SLA2: variants seen among roughly 807,000 people sequenced by gnomAD.
The protein encoded by SLA2 is Src like adaptor 2.
Under a neutral mutation model 27.3 loss-of-function variants are expected in SLA2, and 22 were observed. That is an observed-to-expected ratio of 0.81 (90% confidence interval 0.58 to 1.15). The LOEUF is 1.15. Ranked by LOEUF, SLA2 falls within the 50% of genes most tolerant of loss-of-function variation. The probability of loss-of-function intolerance (pLI) is 0.00; values close to 1 mark genes in which losing one functional copy is unlikely to be tolerated. For missense variants in SLA2, 304 were observed against 322.2 expected (o/e 0.94, Z 0.43); for synonymous variants, 131 against 137.8 (o/e 0.95, Z 0.34).
intron 5 of SLA2, among the ~76,000 whole-genome samples, chr20:36,618,938 T>C (rs1378099256): frequency 1.5e-5 from 2 of 133,772 alleles, no homozygotes; most frequent in Admixed American, 7.7e-5. Context: ...AAAAAAAGTA[T>C]CTAGAAGCCA....
At chr20:36,643,338 G>T (rs911859238) in intron 1 of SLA2, among the ~76,000 whole-genome samples, 7 of 152,314 alleles carry the variant, frequency 4.6e-5, no homozygotes, top group Admixed American at 2.6e-4. Context: ...TAGGGACAAG[G>T]CACAGTTACA....
intron 5 of SLA2, among the ~76,000 whole-genome samples, chr20:36,628,533 G>C (rs1420393754): frequency 1.3e-5 from 2 of 152,066 alleles, no homozygotes; most frequent in Non-Finnish European, 2.9e-5. Flanking sequence ...ACAGGCATCA[G>C]TGTTGATTTA....
chr20:36,612,336 C>T lies in SLA2; in HGVS notation c.*1530G>A. 1 of 971,874 alleles carries T rather than the reference C, an allele frequency of 1.0e-6. No individual in the cohort carries two copies. The highest frequency in any genetic ancestry group is 1.6e-6 in the Non-Finnish European group (1 of 618,186). 60.2% of individuals were successfully genotyped at this position (971,874 alleles called of 1,614,324 possible). ...GCTATTATTTGCCAAGTGGAGCTGTCATTTAATTTGATGCACCTCTGGATT... is the reference window on the plus strand; with the variant it reads ...GCTATTATTTGCCAAGTGGAGCTGTTATTTAATTTGATGCACCTCTGGATT... On this transcript the variant is annotated 3_prime_UTR_variant, in exon 8 of 8. Coordinates refer to ENST00000262866, the MANE Select transcript of SLA2 (RefSeq NM_032214.4).
chr20:36,619,832 C>A (rs1427221470), intron 5 of SLA2, among the ~76,000 whole-genome samples: 3 of 150,736 alleles, frequency 2.0e-5, no homozygotes, highest in Admixed American at 6.6e-5. Flanking sequence ...CGGGGTTTCA[C>A]CATGTTAGCC....
chr20:36,632,538 G>T, intron 5 of SLA2, 57 bp downstream of exon 5: 2 of 1,358,822 alleles, frequency 1.5e-6, no homozygotes, highest in Non-Finnish European at 2.1e-6. Flanking sequence ...ATATCTGTGG[G>T]CTCCTTTCTG....
intron 2 of SLA2, among the ~76,000 whole-genome samples, chr20:36,634,851 C>T (rs1048569856): frequency 6.6e-6 from 1 of 151,926 alleles, no homozygotes; most frequent in South Asian, 2.1e-4. Context: ...GCTCCATCAC[C>T]ACTGCACGTA....
At chr20:36,633,711 C>G in intron 3 of SLA2, 82 bp from the exon 4 acceptor site, 9 of 1,204,762 alleles carry the variant, frequency 7.5e-6, no homozygotes, top group Non-Finnish European at 1.1e-5. Context: ...TGCAAGGACC[C>G]TCTCAGGCTG....
intron 1 of SLA2, among the ~76,000 whole-genome samples, chr20:36,641,864 G>A (rs2039509870): frequency 6.6e-6 from 1 of 151,758 alleles, no homozygotes; most frequent in African/African-American, 2.4e-5. Context: ...TGGATCAGAG[G>A]TCTGCAAGGA....
Position 36,613,786 on chromosome 20 carries a change from T to C in SLA2, c.*80A>G. ...ACCCTCCCTCCCTGAGTGCACAGCC[T>C]TGCCTCTGGGGTGCCCAGGAGGCTG... On this transcript the variant is annotated 3_prime_UTR_variant, in exon 8 of 8. Coordinates refer to ENST00000262866, the MANE Select transcript of SLA2 (RefSeq NM_032214.4). The C allele has an allele frequency of 4.0e-6, 2 of 499,210 alleles. No individual in the cohort carries two copies. The highest frequency in any genetic ancestry group is 7.3e-6 in the Non-Finnish European group (2 of 274,022). 30.9% of individuals were successfully genotyped at this position (499,210 alleles called of 1,614,324 possible).
chr20:36,642,217 G>A (rs1032326323), intron 1 of SLA2, among the ~76,000 whole-genome samples: 2 of 27,992 alleles, frequency 7.1e-5, no homozygotes, highest in African/African-American at 2.7e-4. Context: ...GTTGTATGAT[G>A]CAGTGATGAC....
chr20:36,616,523 C>A (rs138308851), intron 5 of SLA2, among the ~76,000 whole-genome samples: 1 of 151,852 alleles, frequency 6.6e-6, no homozygotes, highest in East Asian at 1.9e-4. Context: ...TTGGTAGAGA[C>A]AGGGTTTCAC....
At chr20:36,640,312 A>G (rs1044785015) in intron 2 of SLA2, among the ~76,000 whole-genome samples, 5 of 152,108 alleles carry the variant, frequency 3.3e-5, no homozygotes, top group African/African-American at 1.2e-4. Context: ...AAATATATAT[A>G]TACCACAAAA....
chr20:36,640,915 C>T (rs1015591671), intron 2 of SLA2, among the ~76,000 whole-genome samples: 4 of 152,044 alleles, frequency 2.6e-5, no homozygotes, highest in Admixed American at 1.3e-4. Context: ...CTGGCCAGCT[C>T]GGTGTTTGGA....
In SLA2 at chr20:36,636,189, G is replaced by A. The variant is rs186565265; in HGVS notation, c.92-1600C>T. Among the ~76,000 whole-genome samples the A allele has an allele frequency of 7.6e-3, 1,121 of 147,380 alleles. 12 individuals carry two copies. The highest frequency in any genetic ancestry group is 0.028 in the African/African-American group (1,057 of 37,822). ...TCCCAGCACTTTGGGAGGCCGAGGC[G>A]GGTGGATCATGAGGTCAGGAGATCG... On this transcript the variant is annotated intron_variant, in intron 2 of 7. Transcript: ENST00000262866.
intron 2 of SLA2, among the ~76,000 whole-genome samples, chr20:36,637,193 ATTTTTTTT>A (rs1175945445): frequency 2.3e-5 from 2 of 87,990 alleles, no homozygotes; most frequent in Non-Finnish European, 4.3e-5. Flanking sequence ...GCGTGTGTGT[ATTTTTTTT>A]TTTTTTTTTT....
chr20:36,629,477 CA>C (rs35859171), intron 5 of SLA2, among the ~76,000 whole-genome samples: 16 of 141,606 alleles, frequency 1.1e-4, no homozygotes, highest in East Asian at 2.1e-4. Context: ...ACTAAAAATA[CA>C]AAAAAAAAAA....
intron 6 of SLA2, chr20:36,614,928 C>T (rs937311495): frequency 7.1e-6 from 7 of 985,242 alleles, no homozygotes; most frequent in African/African-American, 1.7e-5. Flanking sequence ...GCTCTGTGCC[C>T]GGTTCCTGTG....
chr20:36,621,385 G>C, intron 5 of SLA2: 1 of 588,462 alleles, frequency 1.7e-6, no homozygotes, highest in Non-Finnish European at 3.3e-6. Context: ...TTATGGATGT[G>C]GTGGTGTAAG....
intron 2 of SLA2, among the ~76,000 whole-genome samples, chr20:36,640,068 G>T (rs2039491280): frequency 6.6e-6 from 1 of 152,170 alleles, no homozygotes; most frequent in Admixed American, 6.5e-5. Context: ...AGCACTTTGG[G>T]AGGCCAAGGC....
Sources: gnomAD v4.1 joint callset for allele counts (sites outside exome capture counted in the v4.1 genomes callset) on GRCh38, gnomAD v4.1.1 for gene constraint, MANE v1.5 for transcripts, NCBI Gene and HGNC (gene_info 2026-07-23, HGNC 2026-07-21) for gene names.